LONP2: variants seen among roughly 807,000 people sequenced by gnomAD.
The protein encoded by LONP2 is lon peptidase 2, peroxisomal, also known as lon protease homolog 2, peroxisomal.
Under a neutral mutation model 85.6 loss-of-function variants are expected in LONP2, and 60 were observed. The observed-to-expected ratio is 0.70, with a 90% CI of 0.57 to 0.87. LONP2 has a LOEUF of 0.87. Among genes scored for constraint, LONP2 ranks in the 40% least tolerant of loss-of-function variants. The probability of loss-of-function intolerance (pLI) is 0.00; values close to 1 mark genes in which losing one functional copy is unlikely to be tolerated. For synonymous variants in LONP2, 395 were observed against 389.7 expected (o/e 1.01, Z -0.16); for missense variants, 860 against 1,063.5 (o/e 0.81, Z 2.66).
chr16:48,249,017 C>T (rs1382418027), intron 1 of LONP2, among the ~76,000 whole-genome samples: 1 of 151,722 alleles, frequency 6.6e-6, no homozygotes, highest in Non-Finnish European at 1.5e-5. Context: ...GTTGATGGTT[C>T]TTAAATATGT....
Position 48,354,832 on chromosome 16 carries a change from C to T in LONP2, c.*3030C>T, listed in dbSNP as rs913684396. 1.3e-5 allele frequency: 2 copies of T among 152,198 alleles called. No individual in the cohort carries two copies. Among genetic ancestry groups the T allele is most frequent in the Non-Finnish European group, 2.9e-5 (2 of 68,034 alleles). 9.4% of individuals were successfully genotyped at this position (152,198 alleles called of 1,614,324 possible). ...GGATGAACCTCTTCCTCCTTTGCCA[C>T]TTTAGCTTTAGCTCAAAGGAACTCC... On this transcript the variant is annotated 3_prime_UTR_variant, in exon 15 of 15. Transcript: ENST00000285737.
At chr16:48,298,341 A>T (rs1417141292) in intron 9 of LONP2, among the ~76,000 whole-genome samples, 1 of 152,164 alleles carries the variant, frequency 6.6e-6, no homozygotes, top group African/African-American at 2.4e-5. Flanking sequence ...TTTAGAGACA[A>T]AGGAAATCTA....
downstream of LONP2, among the ~76,000 whole-genome samples, chr16:48,359,664 C>G (rs541046897): frequency 6.6e-6 from 1 of 151,564 alleles, no homozygotes; most frequent in Non-Finnish European, 1.5e-5. Context: ...TGCAGTGAGC[C>G]GAGATCACGC....
intron 9 of LONP2, among the ~76,000 whole-genome samples, chr16:48,298,626 G>GGT (rs3138605): frequency 0.15 from 20,124 of 134,162 alleles, 1,650 homozygotes; most frequent in Admixed American, 0.23. Context: ...ATTTAATTGA[G>GGT]GTGTGTGTGT....
At chr16:48,273,689 T>C (rs569938395) in intron 7 of LONP2, among the ~76,000 whole-genome samples, 2 of 152,308 alleles carry the variant, frequency 1.3e-5, no homozygotes, top group African/African-American at 4.8e-5. Context: ...CACACAAATA[T>C]AAGGTAACTA....
downstream of LONP2, chr16:48,362,200 C>T (rs773579920): frequency 6.2e-7 from 1 of 1,614,048 alleles, no homozygotes; most frequent in African/African-American, 1.3e-5. The surrounding 1 kb of genome is among the most constrained non-coding windows in gnomAD (Gnocchi z 4.2). Context: ...CCCAAAGGGC[C>T]CCGGCAAGTT....
At chr16:48,300,403 A>G (rs13335303) in intron 10 of LONP2, among the ~76,000 whole-genome samples, 1,988 of 152,308 alleles carry the variant, frequency 0.013, 44 homozygotes, top group African/African-American at 0.046. Flanking sequence ...TGCTTAGTCT[A>G]ATTTACAGAT....
At position 48,244,372 on chromosome 16, in the gene LONP2, T is replaced by C; in HGVS notation, c.-17T>C. On this transcript the variant is annotated 5_prime_UTR_variant, in exon 1 of 15. Transcript: ENST00000285737. Reference sequence around the variant, plus strand: ...TCTGGCTCTTTTTGACAGCCCCCAGTGCGAAAGGCTGCCAGCATGTCATCA... The same window carrying C: ...TCTGGCTCTTTTTGACAGCCCCCAGCGCGAAAGGCTGCCAGCATGTCATCA... 3.3e-6 allele frequency: 5 copies of C among 1,518,584 alleles called. No individual in the cohort carries two copies. Among genetic ancestry groups the C allele is most frequent in the Non-Finnish European group, 4.4e-6 (5 of 1,134,314 alleles). The allele number at this position is 1,518,584 out of a possible 1,614,324, so 94.1% of individuals were successfully genotyped here.
intron 7 of LONP2, among the ~76,000 whole-genome samples, chr16:48,273,644 A>G (rs1972148556): frequency 6.6e-6 from 1 of 152,198 alleles, no homozygotes. Flanking sequence ...AAATTTTTAT[A>G]TTTAAGTATT....
intron 11 of LONP2, among the ~76,000 whole-genome samples, chr16:48,312,770 T>G (rs1973061046): frequency 6.6e-6 from 1 of 152,176 alleles, no homozygotes; most frequent in African/African-American, 2.4e-5. Flanking sequence ...ACTTCCCAGC[T>G]AGGAGGTGGT....
intron 2 of LONP2, among the ~76,000 whole-genome samples, chr16:48,255,531 A>G (rs1971740280): frequency 2.0e-5 from 3 of 152,328 alleles, no homozygotes; most frequent in African/African-American, 2.4e-5. Flanking sequence ...ACTCCCAGAT[A>G]TACGCTGACA....
intron 8 of LONP2, among the ~76,000 whole-genome samples, chr16:48,286,347 T>C (rs931024610): frequency 5.3e-5 from 8 of 152,052 alleles, no homozygotes; most frequent in African/African-American, 1.9e-4. Flanking sequence ...TTCACCATGT[T>C]AGCCAGGATG....
In LONP2 at chr16:48,355,018, C is replaced by G. The variant is rs1401012443; in HGVS notation, c.*3216C>G. On this transcript the variant is annotated 3_prime_UTR_variant, in exon 15 of 15. Coordinates refer to ENST00000285737, the MANE Select transcript of LONP2 (RefSeq NM_031490.5). ...GAAATTTTTATGGCCAAATAATACACCACTATATCCATAGACCGCATTTGG... is the reference window on the plus strand; with the variant it reads ...GAAATTTTTATGGCCAAATAATACAGCACTATATCCATAGACCGCATTTGG... 6.6e-6 allele frequency: 1 copy of G among 152,196 alleles called. No individual in the cohort carries two copies. Among genetic ancestry groups the G allele is most frequent in the Non-Finnish European group, 1.5e-5 (1 of 68,028 alleles). 9.4% of individuals were successfully genotyped at this position (152,196 alleles called of 1,614,324 possible).
At chr16:48,322,751 A>G (rs958579164) in intron 11 of LONP2, among the ~76,000 whole-genome samples, 2 of 152,184 alleles carry the variant, frequency 1.3e-5, no homozygotes, top group Non-Finnish European at 2.9e-5. Context: ...TAAATGAAGC[A>G]TAGTAAGTAC....
intron 11 of LONP2, among the ~76,000 whole-genome samples, chr16:48,305,042 T>G (rs1214692750): frequency 6.6e-6 from 1 of 152,194 alleles, no homozygotes; most frequent in Non-Finnish European, 1.5e-5. Flanking sequence ...GAGTCAGCTT[T>G]CACAGAATCC....
Position 48,262,886 on chromosome 16 carries a change from T to C in LONP2, c.982+14T>C. 6.5e-7 allele frequency: 1 copy of C among 1,530,952 alleles called. No homozygotes were observed. The highest frequency in any genetic ancestry group is 1.7e-5 in the Admixed American group (1 of 57,734). The allele number at this position is 1,530,952 out of a possible 1,614,324, so 94.8% of individuals were successfully genotyped here. A position where few individuals can be genotyped will look rare whatever the true frequency, so the allele number is the denominator to read the frequency against. On this transcript the variant is annotated intron_variant, in intron 6 of 14. Transcript: ENST00000285737. ...AAAGTACAACTGGTAAGCCAAAAAA[T>C]AACACCTGTTTTGCAGTCTAATTGT... is the stretch of plus-strand genomic sequence containing the variant.
chr16:48,356,105 TGAA>T lies in LONP2; in HGVS notation c.*4307_*4309del, dbSNP rs1166199285. ...TTGGTGGTTACAAATGCAAATACAG[TGAA>T]GAATGTCATCTTTGTGATTGTTCCT... On this transcript the variant is annotated 3_prime_UTR_variant, in exon 15 of 15. Coordinates refer to ENST00000285737, the MANE Select transcript of LONP2 (RefSeq NM_031490.5). The T allele has an allele frequency of 1.3e-5, 2 of 152,164 alleles. No homozygotes were observed. Among genetic ancestry groups the T allele is most frequent in the Non-Finnish European group, 2.9e-5 (2 of 68,034 alleles). The allele number at this position is 152,164 out of a possible 1,614,324, so 9.4% of individuals were successfully genotyped here. A position where few individuals can be genotyped will look rare whatever the true frequency, so the allele number is the denominator to read the frequency against.
chr16:48,258,357 G>GAA (rs1168180704), intron 3 of LONP2, among the ~76,000 whole-genome samples: 1 of 133,764 alleles, frequency 7.5e-6, no homozygotes, highest in African/African-American at 2.7e-5. Flanking sequence ...AAAAAAAAAA[G>GAA]AAAAAAAAAA....
chr16:48,244,587 G>T lies in LONP2; in HGVS notation c.199G>T (p.Ala67Ser), dbSNP rs1177758201. The stretch of plus-strand genomic sequence containing the variant: ...CGTCATCCCCAACACGCCTGACCCC[G>T]CCAGCGACGCGCAGGACCTGCCGCC... ...LGVIPNTPDPASDAQDLPPLH... is the reference protein window; with the variant it reads ...LGVIPNTPDPSSDAQDLPPLH... Residue 67 changes from alanine (A) to serine (S), a missense_variant, in exon 1 of 15, where the codon GCC becomes TCC. By Grantham distance (99) the Ala-to-Ser change is moderately conservative. Around this residue, in one of 3 missense-constraint regions of LONP2, gnomAD observed 743 missense variants for 917.3 expected, o/e 0.81. Transcript: ENST00000285737. The T allele has an allele frequency of 6.7e-7, 1 of 1,493,320 alleles. No individual in the cohort carries two copies. 92.5% of individuals were successfully genotyped at this position (1,493,320 alleles called of 1,614,324 possible).
Sources: allele counts gnomAD v4.1 joint callset (sites outside exome capture counted in the v4.1 genomes callset), GRCh38; gene constraint gnomAD v4.1.1; regional missense constraint gnomAD v4.1.1; non-coding constraint Gnocchi (gnomAD v3.1); transcripts MANE v1.5; gene names NCBI Gene and HGNC (gene_info 2026-07-23, HGNC 2026-07-21).